SIK3: variants seen among roughly 807,000 people sequenced by gnomAD.
The protein encoded by SIK3 is serine/threonine-protein kinase SIK3.
In SIK3, 28 loss-of-function variants were observed where a neutral mutation model predicts 144.2. The observed-to-expected ratio is 0.19, with a 90% CI of 0.14 to 0.27. The LOEUF (loss-of-function observed/expected upper bound fraction) is 0.27, where lower values mean the gene tolerates loss of function less well. SIK3 is among the 10% of genes least tolerant of loss of function. The pLI is 1.00. For missense variants in SIK3, 1,319 were observed against 1,776.0 expected (o/e 0.74, Z 4.62); for synonymous variants, 686 against 676.3 (o/e 1.01, Z -0.22).
chr11:117,087,796 A>G (rs763460592), intron 1 of SIK3, among the ~76,000 whole-genome samples: 15 of 152,220 alleles, frequency 9.9e-5, no homozygotes, highest in Non-Finnish European at 1.9e-4. Context: ...CCCTTTCAAC[A>G]ATATATCCGG....
intron 1 of SIK3, among the ~76,000 whole-genome samples, chr11:117,037,088 A>G (rs1952538077): frequency 1.3e-5 from 2 of 152,192 alleles, no homozygotes; most frequent in Non-Finnish European, 2.9e-5. Flanking sequence ...TTTTTTCCCC[A>G]TAAGAAACTA....
At chr11:117,023,619 A>ATATATAT (rs374740569) in intron 1 of SIK3, among the ~76,000 whole-genome samples, 41 of 99,802 alleles carry the variant, frequency 4.1e-4, no homozygotes, top group African/African-American at 1.9e-3. Context: ...CAAAAAAAAA[A>ATATATAT]AAATATATAT....
rs1941979080 is a variant in SIK3 at position 116,846,581 on chromosome 11, T to G, written c.3953-28A>C. On this transcript the variant is annotated intron_variant, in intron 23 of 24. Coordinates refer to ENST00000445177, the MANE Select transcript of SIK3 (RefSeq NM_001366686.3). This position sits in a 1 kb window ranked among gnomAD's most constrained non-coding sequence, Gnocchi z 4.1. The stretch of plus-strand genomic sequence containing the variant: ...GCAAGACCAAAAAGAACGTATGAGG[T>G]TGGCAGGGAACTGGGGGACTAGGAG... The G allele has an allele frequency of 6.2e-7, 1 of 1,613,188 alleles. No homozygotes were observed. The highest frequency in any genetic ancestry group is 8.5e-7 in the Non-Finnish European group (1 of 1,179,528).
intron 1 of SIK3, among the ~76,000 whole-genome samples, chr11:116,970,581 C>T (rs1329743804): frequency 6.6e-6 from 1 of 152,138 alleles, no homozygotes; most frequent in Non-Finnish European, 1.5e-5. Context: ...AACTCCCGGG[C>T]TCAAGCAATC....
chr11:116,992,344 A>G (rs1431792307), intron 1 of SIK3, among the ~76,000 whole-genome samples: 4 of 143,712 alleles, frequency 2.8e-5, no homozygotes, highest in Admixed American at 1.4e-4. Context: ...AACACCTCAT[A>G]TATTTGTGTG....
At chr11:117,029,134 C>T (rs556074521) in intron 1 of SIK3, among the ~76,000 whole-genome samples, 1 of 152,184 alleles carries the variant, frequency 6.6e-6, no homozygotes, top group East Asian at 1.9e-4. Context: ...GTCTCGAACT[C>T]TTGACCTCAA....
At chr11:117,046,823 T>C (rs1419311927) in intron 1 of SIK3, among the ~76,000 whole-genome samples, 3 of 152,264 alleles carry the variant, frequency 2.0e-5, no homozygotes, top group East Asian at 3.9e-4. Context: ...GAGGCTGCAG[T>C]GAGCCAAAAT....
rs750374827 is a variant in SIK3, at chr11:116,849,166, C to T, written c.3773G>A (p.Arg1258Gln). 3.7e-5 allele frequency: 59 copies of T among 1,612,972 alleles called. No homozygotes were observed. The highest frequency in any genetic ancestry group is 4.2e-5 in the Non-Finnish European group (50 of 1,179,218). ...GATCGTGTGGTGTCTCTGGAGGGCC[C>T]GGGGCCTGTGGTGCTCATGGACGGA... ...RPSVHEHHRP[R>Q]ALQRHHTIQN... is the part of the protein sequence containing the mutation. Residue 1258 changes from arginine to glutamine, a missense_variant, in exon 22 of 25, where the codon CGG (arginine) becomes CAG (glutamine). Physicochemically the swap from Arg to Gln is conservative, Grantham distance 43 (BLOSUM62 1). Transcript: ENST00000445177. The surrounding 1 kb of genome is among the most constrained non-coding windows in gnomAD (Gnocchi z 4.2).
intron 24 of SIK3, among the ~76,000 whole-genome samples, chr11:116,845,938 C>G (rs931606726): frequency 2.0e-5 from 3 of 152,222 alleles, no homozygotes; most frequent in Non-Finnish European, 2.9e-5. Context: ...TCTGGAATAT[C>G]CTGCCACTTG....
At chr11:116,995,266 CA>C (rs1215261265) in intron 1 of SIK3, among the ~76,000 whole-genome samples, 38,147 of 96,450 alleles carry the variant, frequency 0.4, 6,400 homozygotes, top group African/African-American at 0.55. Context: ...GACTCCGTCT[CA>C]AAAAAAAAAA....
intron 1 of SIK3, among the ~76,000 whole-genome samples, chr11:117,073,246 A>G (rs1208046558): frequency 6.6e-6 from 1 of 152,210 alleles, no homozygotes; most frequent in African/African-American, 2.4e-5. Context: ...CGAGCTCTCA[A>G]CATCTCCAAT....
chr11:116,978,747 A>T (rs1565520911), intron 1 of SIK3, among the ~76,000 whole-genome samples: 1 of 152,020 alleles, frequency 6.6e-6, no homozygotes, highest in Non-Finnish European at 1.5e-5. Context: ...GGCTCAAGGG[A>T]TCCTCCTGCC....
chr11:117,067,290 T>C (rs898676388), intron 1 of SIK3, among the ~76,000 whole-genome samples: 1 of 152,132 alleles, frequency 6.6e-6, no homozygotes, highest in Non-Finnish European at 1.5e-5. Flanking sequence ...TGTTCATCAA[T>C]AGGTGAATGA....
At chr11:117,022,522 G>C (rs980820842) in intron 1 of SIK3, among the ~76,000 whole-genome samples, 6 of 152,102 alleles carry the variant, frequency 3.9e-5, no homozygotes, top group African/African-American at 1.4e-4. Flanking sequence ...TACCCATGGG[G>C]CTTTCATAAC....
intron 1 of SIK3, among the ~76,000 whole-genome samples, chr11:116,996,062 C>A (rs939305653): frequency 2.0e-5 from 3 of 152,128 alleles, no homozygotes; most frequent in Non-Finnish European, 4.4e-5. Flanking sequence ...AATCCCAGCA[C>A]TTTGGGAGGC....
chr11:116,943,975 C>T (rs977154319), intron 3 of SIK3, among the ~76,000 whole-genome samples: 1 of 151,056 alleles, frequency 6.6e-6, no homozygotes, highest in African/African-American at 2.4e-5. Context: ...ATCAAAAGAT[C>T]ATTTCAGAAT....
At chr11:116,998,470 TAAAAAAAAAA>T (rs59998385) in intron 1 of SIK3, among the ~76,000 whole-genome samples, 1 of 136,408 alleles carries the variant, frequency 7.3e-6, no homozygotes, top group Non-Finnish European at 1.5e-5. Context: ...GACTCCGTCT[TAAAAAAAAAA>T]AAAAAAAAAA....
intron 6 of SIK3, among the ~76,000 whole-genome samples, chr11:116,880,217 T>A (rs1010850043): frequency 6.6e-6 from 1 of 151,932 alleles, no homozygotes; most frequent in Non-Finnish European, 1.5e-5. Context: ...AATTAGAAGA[T>A]ATATCTAGTT....
At chr11:117,053,270 G>T (rs906043646) in intron 1 of SIK3, among the ~76,000 whole-genome samples, 1 of 151,620 alleles carries the variant, frequency 6.6e-6, no homozygotes, top group Non-Finnish European at 1.5e-5. Context: ...CCAGGAGGCG[G>T]AGGTCACAGT....
Sources: gnomAD v4.1 joint callset for allele counts (sites outside exome capture counted in the v4.1 genomes callset) on GRCh38, gnomAD v4.1.1 for gene constraint, Gnocchi (gnomAD v3.1) non-coding constraint, MANE v1.5 for transcripts, NCBI Gene and HGNC (gene_info 2026-07-23, HGNC 2026-07-21) for gene names.